The following DGKB variants were observed in gnomAD, a reference collection of about 807,000 sequenced individuals.
DGKB encodes 90 kDa diacylglycerol kinase.
In DGKB, 67 loss-of-function variants were observed where a neutral mutation model predicts 114.3. The ratio of observed to expected loss-of-function variants is 0.59; its 90% CI spans 0.48 to 0.72. The LOEUF is 0.72. Ranked by LOEUF, DGKB falls within the 30% of genes least tolerant of loss-of-function variation. The pLI, the probability that DGKB is intolerant of heterozygous loss-of-function variation, is 0.00. For synonymous variants in DGKB, 398 were observed against 323.1 expected, an observed-to-expected ratio of 1.23 and a Z score of -2.49; for missense variants, 907 against 975.2, an observed-to-expected ratio of 0.93 and a Z score of 0.93.
At position 14,841,375 on chromosome 7, in the gene DGKB, T is replaced by C; in HGVS notation, c.-112A>G. On this transcript the variant is annotated 5_prime_UTR_variant, in exon 2 of 26. Transcript: ENST00000402815. ...ATGGCATGTTTCATGATAAAATACC[T>C]CAGGCTTTCAAAATATGCAATCTGT... is the stretch of plus-strand genomic sequence containing the variant. 1 of 852,512 alleles carries C rather than the reference T, an allele frequency of 1.2e-6. No homozygotes were observed. Among genetic ancestry groups the C allele is most frequent in the Non-Finnish European group, 1.8e-6 (1 of 554,518 alleles). 52.8% of individuals were successfully genotyped at this position (852,512 alleles called of 1,614,324 possible). A position where few individuals can be genotyped will look rare whatever the true frequency, so the allele number is the denominator to read the frequency against.
chr7:14,700,175 C>A (rs897292450), intron 7 of DGKB, among the ~76,000 whole-genome samples: 6 of 151,402 alleles, frequency 4.0e-5, no homozygotes, highest in Non-Finnish European at 5.9e-5. Flanking sequence ...AAACTGAAGA[C>A]CACTAGGCAC....
rs938909079 is a variant in DGKB at position 14,589,140 on chromosome 7, G to T, written c.1434-6003C>A. On this transcript the variant is annotated intron_variant, in intron 17 of 25. Coordinates refer to ENST00000402815, the MANE Select transcript of DGKB (RefSeq NM_001350709.2). ...TAGATTTATTCTTCGTTGTTTTGTG[G>T]TTTTTGTTGGTATTTTAAACATTTA... is the stretch of plus-strand genomic sequence containing the variant. Among the ~76,000 whole-genome samples, 9 of 151,746 alleles carry T rather than the reference G, an allele frequency of 5.9e-5. No individual in the cohort carries two copies. In the South Asian group the frequency reaches 6.2e-4, roughly 11 times the overall value.
At chr7:14,819,849 T>A (rs1237878918) in intron 2 of DGKB, among the ~76,000 whole-genome samples, 1 of 152,188 alleles carries the variant, frequency 6.6e-6, no homozygotes, top group South Asian at 2.1e-4. Context: ...AGGTAAAATA[T>A]TAAAACTAAT....
rs1043814597 is a variant in DGKB at position 14,744,837 on chromosome 7, AT to A, written c.169-8644del. Among the ~76,000 whole-genome samples, 11 of 151,492 alleles carry A rather than the reference AT, an allele frequency of 7.3e-5. No individual in the cohort carries two copies. In the South Asian group the frequency reaches 1.5e-3, roughly 20 times the overall value. On this transcript the variant is annotated intron_variant, in intron 4 of 25. Transcript: ENST00000402815. ...ATTCTAGTCTCATTAGTTGTTTTGAATTTTTTTTTGCCTACATTTTACATTA... is the reference window on the plus strand; with the variant it reads ...ATTCTAGTCTCATTAGTTGTTTTGAATTTTTTTTGCCTACATTTTACATTA...
chr7:14,633,962 T>C (rs1419368783), intron 13 of DGKB, among the ~76,000 whole-genome samples: 1 of 151,524 alleles, frequency 6.6e-6, no homozygotes, highest in Non-Finnish European at 1.5e-5. Context: ...GTAATCATTT[T>C]AAATTGACAA....
In DGKB at chr7:14,318,345, A is replaced by G. The variant is rs933700420; in HGVS notation, c.2122+20170T>C. On this transcript the variant is annotated intron_variant, in intron 23 of 25. Transcript: ENST00000402815. Reference sequence around the variant, plus strand: ...AAAAGAAACTACCATCAGAGTGAACAGGCAACCTATAGAATGGGAGAAAAT... The same window carrying G: ...AAAAGAAACTACCATCAGAGTGAACGGGCAACCTATAGAATGGGAGAAAAT... Among the ~76,000 whole-genome samples the G allele has an allele frequency of 1.2e-4, 19 of 152,026 alleles. No homozygotes were observed. The East Asian group carries it at 1.9e-3, about 15-fold the overall frequency.
At chr7:14,830,681 A>T (rs1306335476) in intron 2 of DGKB, among the ~76,000 whole-genome samples, 1 of 152,046 alleles carries the variant, frequency 6.6e-6, no homozygotes, top group South Asian at 2.1e-4. Context: ...AAAAAGCAAC[A>T]CAGCCTGCTC....
At chr7:14,931,595 T>C (rs555715625) in intron 1 of DGKB, among the ~76,000 whole-genome samples, 2 of 152,166 alleles carry the variant, frequency 1.3e-5, no homozygotes, top group East Asian at 1.9e-4. Context: ...GATCTTGGAA[T>C]GCGGAGGGTG....
chr7:14,824,726 C>G (rs1845423332), intron 2 of DGKB, among the ~76,000 whole-genome samples: 1 of 151,760 alleles, frequency 6.6e-6, no homozygotes, highest in African/African-American at 2.4e-5. Context: ...TGTACATTTA[C>G]CCTTTTAAAA....
At chr7:14,810,428 A>T (rs1981680) in intron 2 of DGKB, among the ~76,000 whole-genome samples, 61,648 of 152,014 alleles carry the variant, frequency 0.41, 14,137 homozygotes, top group African/African-American at 0.62. Flanking sequence ...CAAGCCACAA[A>T]TGTGTTCTGC....
chr7:14,267,617 T>A (rs1404077153), intron 23 of DGKB, among the ~76,000 whole-genome samples: 9 of 151,934 alleles, frequency 5.9e-5, no homozygotes, highest in Non-Finnish European at 4.4e-5. Flanking sequence ...GCCTCCCGAG[T>A]AGCTGGGACT....
intron 20 of DGKB, among the ~76,000 whole-genome samples, chr7:14,497,493 C>T (rs1335484330): frequency 6.6e-6 from 1 of 151,746 alleles, no homozygotes; most frequent in Non-Finnish European, 1.5e-5. Flanking sequence ...TCATAAGATG[C>T]CTTCCTTAGC....
intron 21 of DGKB, among the ~76,000 whole-genome samples, chr7:14,430,229 C>T (rs1292911171): frequency 6.6e-6 from 1 of 152,102 alleles, no homozygotes; most frequent in Non-Finnish European, 1.5e-5. Flanking sequence ...AGATATACGC[C>T]TTTAGATGAT....
At chr7:14,747,373 T>C (rs1033542886) in intron 4 of DGKB, among the ~76,000 whole-genome samples, 1 of 151,622 alleles carries the variant, frequency 6.6e-6, no homozygotes, top group Non-Finnish European at 1.5e-5. Context: ...TTTTTTTTTT[T>C]AATTTTCTAA....
intron 15 of DGKB, among the ~76,000 whole-genome samples, chr7:14,619,209 G>A (rs1309798901): frequency 6.6e-6 from 1 of 150,870 alleles, no homozygotes; most frequent in African/African-American, 2.4e-5. Context: ...TTTTAGGGCT[G>A]ATTTCTATAC....
In DGKB at chr7:14,902,699, CG is replaced by C. The variant is rs1783301031; in HGVS notation, c.-296del. On this transcript the variant is annotated 5_prime_UTR_variant, in exon 1 of 26. Coordinates refer to ENST00000402815, the MANE Select transcript of DGKB (RefSeq NM_001350709.2). ...TTCTCAGGATCCTTTCCAATTCACA[CG>C]CTCCCGGCACAGTAAGAAGGCTCCC... 1.3e-5 allele frequency: 2 copies of C among 152,202 alleles called. No homozygotes were observed. Among genetic ancestry groups the C allele is most frequent in the Non-Finnish European group, 2.9e-5 (2 of 68,084 alleles). 9.4% of individuals were successfully genotyped at this position (152,202 alleles called of 1,614,324 possible).
chr7:14,277,928 C>T (rs533284660), intron 23 of DGKB, among the ~76,000 whole-genome samples: 1 of 152,302 alleles, frequency 6.6e-6, no homozygotes, highest in Non-Finnish European at 1.5e-5. Flanking sequence ...TCCACACTAA[C>T]CTTTGTTATC....
chr7:14,646,047 A>T (rs1585308638), intron 13 of DGKB, among the ~76,000 whole-genome samples: 1 of 152,210 alleles, frequency 6.6e-6, no homozygotes, highest in East Asian at 1.9e-4. Context: ...AAGAGGTTTA[A>T]TTCACCAATT....
At chr7:14,660,836 C>G (rs1347317799) in intron 13 of DGKB, among the ~76,000 whole-genome samples, 9 of 152,074 alleles carry the variant, frequency 5.9e-5, no homozygotes, top group South Asian at 4.1e-4. Flanking sequence ...AAACAGCATG[C>G]TACTGGTACC....
Sources: allele counts gnomAD v4.1 joint callset (sites outside exome capture counted in the v4.1 genomes callset), GRCh38; gene constraint gnomAD v4.1.1; transcripts MANE v1.5; gene names NCBI Gene and HGNC (gene_info 2026-07-23, HGNC 2026-07-21).